Variants in FANCA observed in about 807,000 individuals in gnomAD.
The protein encoded by FANCA is FA complementation group A, also known as Fanconi anemia group A protein.
In FANCA, 236 loss-of-function variants were observed where a neutral mutation model predicts 194.3. That is an observed-to-expected ratio of 1.21 (90% CI 1.09 to 1.35). The LOEUF is 1.35. Among genes scored for constraint, FANCA ranks in the 40% most tolerant of loss-of-function variants. The probability of loss-of-function intolerance (pLI) is 0.00; values close to 1 mark genes in which losing one functional copy is unlikely to be tolerated. For synonymous variants in FANCA, 1,014 were observed against 715.8 expected, an observed-to-expected ratio of 1.42 and a Z score of -6.65; for missense variants, 2,628 against 1,813.9, an observed-to-expected ratio of 1.45 and a Z score of -8.15.
chr16:89,746,466 G>T, intron 35 of FANCA, 118 bp downstream of exon 35: 1 of 817,432 alleles, frequency 1.2e-6, no homozygotes, highest in Non-Finnish European at 2.1e-6. Context: ...GTCTCCTGAT[G>T]CATTTTCCCT....
At chr16:89,757,070 C>G (rs1435981013) in intron 30 of FANCA, among the ~76,000 whole-genome samples, 1 of 152,168 alleles carries the variant, frequency 6.6e-6, no homozygotes, top group African/African-American at 2.4e-5. Flanking sequence ...CCTCTGCCTC[C>G]CCGGCTCATG....
rs2143285635 is a variant in FANCA at position 89,764,677 on chromosome 16, G to C, written c.2778+213C>G. ...TCAAGATTCCAATCAAACCATCTAA[G>C]TGCTGCTGTTCTTGCCTCTGAGGAG... On this transcript the variant is annotated intron_variant, in intron 28 of 42. Transcript: ENST00000389301. The C allele has an allele frequency of 4.6e-6, 3 of 656,608 alleles. No homozygotes were observed. In the East Asian group the frequency reaches 9.0e-5, roughly 20 times the overall value. 40.7% of individuals were successfully genotyped at this position (656,608 alleles called of 1,614,324 possible). A position where few individuals can be genotyped will look rare whatever the true frequency, so the allele number is the denominator to read the frequency against.
intron 11 of FANCA, among the ~76,000 whole-genome samples, chr16:89,794,406 T>C (rs1319713108): frequency 1.3e-5 from 2 of 151,870 alleles, no homozygotes; most frequent in Non-Finnish European, 1.5e-5. Flanking sequence ...AAAAAGTAGC[T>C]GGGCATGGTG....
intron 27 of FANCA, 91 bp from the exon 28 acceptor site, chr16:89,765,157 C>G: frequency 1.4e-6 from 2 of 1,412,372 alleles, no homozygotes; most frequent in South Asian, 1.2e-5. Flanking sequence ...AGACCATCAA[C>G]AGCCCACACA....
chr16:89,815,064 G>C (rs549680530), intron 2 of FANCA, among the ~76,000 whole-genome samples: 2 of 152,166 alleles, frequency 1.3e-5, no homozygotes, highest in South Asian at 4.1e-4. Context: ...TTTTGAGAGG[G>C]AGTCTCACTG....
chr16:89,772,951 C>G (rs1023227684), intron 22 of FANCA, among the ~76,000 whole-genome samples: 4 of 152,128 alleles, frequency 2.6e-5, no homozygotes, highest in African/African-American at 4.8e-5. Flanking sequence ...GATGTGACAT[C>G]GACTCCGGCA....
At position 89,792,009 on chromosome 16, in the gene FANCA, C is replaced by T. The variant is rs1800331; in HGVS notation, c.1143G>A (p.Thr381=). The part of the protein sequence containing the change: ...LVGHLQEVLE[T]QEVHWQRVLS... The stretch of plus-strand genomic sequence containing the variant: ...GCACTCTCTGCCAGTGAACCTCCTG[C>T]GTTTCCAGAACTTCTTGCAAATGGC... The change falls in exon 13 of 43, where the codon ACG becomes ACA. Residue 381 remains threonine, a synonymous_variant. Transcript: ENST00000389301. The T allele has an allele frequency of 6.2e-6, 10 of 1,614,048 alleles. No individual in the cohort carries two copies. Among genetic ancestry groups the T allele is most frequent in the African/African-American group, 5.3e-5 (4 of 74,926 alleles).
At chr16:89,777,602 A>T (rs1402581463) in intron 20 of FANCA, among the ~76,000 whole-genome samples, 2 of 151,876 alleles carry the variant, frequency 1.3e-5, no homozygotes, top group East Asian at 3.9e-4. Flanking sequence ...CTTTGTGTTT[A>T]TCTTCTTACA....
chr16:89,773,817 C>T (rs959815850), intron 21 of FANCA, among the ~76,000 whole-genome samples: 6 of 149,968 alleles, frequency 4.0e-5, no homozygotes, highest in South Asian at 2.1e-4. Flanking sequence ...TCTGTCACCA[C>T]GCTGGAGTGC....
chr16:89,738,538 C>T lies in FANCA; in HGVS notation c.*63G>A. On this transcript the variant is annotated 3_prime_UTR_variant, in exon 43 of 43. Coordinates refer to ENST00000389301, the MANE Select transcript of FANCA (RefSeq NM_000135.4). ...CCACTTTTTAGTGCAACAAGAGCTC[C>T]ATGTTATGCTTGTAATAAATTATTT... The T allele has an allele frequency of 1.9e-6, 3 of 1,609,232 alleles. No homozygotes were observed. The highest frequency in any genetic ancestry group is 4.5e-5 in the East Asian group (2 of 44,866).
intron 30 of FANCA, among the ~76,000 whole-genome samples, chr16:89,756,468 C>T (rs2038770115): frequency 1.3e-5 from 2 of 152,072 alleles, no homozygotes; most frequent in Non-Finnish European, 2.9e-5. Flanking sequence ...ATCTCTACTA[C>T]AACTACAAAA....
At chr16:89,809,916 C>G (rs1236253808) in intron 5 of FANCA, among the ~76,000 whole-genome samples, 3 of 151,776 alleles carry the variant, frequency 2.0e-5, no homozygotes, top group Non-Finnish European at 4.4e-5. Context: ...ATCCCAGCTA[C>G]TAAGGTGGCT....
Position 89,739,277 on chromosome 16 carries a change from G to A in FANCA, c.4023C>T (p.Tyr1341=), listed in dbSNP as rs201740587. 1.2e-6 allele frequency: 2 copies of A among 1,614,178 alleles called. No homozygotes were observed. Among genetic ancestry groups the A allele is most frequent in the Admixed American group, 1.7e-5 (1 of 60,032 alleles). ...CCCTGATGGCCGCGTCTTCATGGAAGTAGGAGAGAAGACTAGAGGTAAAGA... is the reference window on the plus strand; with the variant it reads ...CCCTGATGGCCGCGTCTTCATGGAAATAGGAGAGAAGACTAGAGGTAAAGA... ...LPFAFYSLLS[Y]FHEDAAIREE... The change falls in exon 41 of 43, where the codon TAC becomes TAT. Residue 1341 remains tyrosine (Y), a synonymous_variant. Coordinates refer to ENST00000389301, the MANE Select transcript of FANCA (RefSeq NM_000135.4).
intron 31 of FANCA, among the ~76,000 whole-genome samples, chr16:89,750,492 C>CAAAAAAAA (rs1567604497): frequency 0.06 from 6,274 of 104,224 alleles, 355 homozygotes; most frequent in African/African-American, 0.15. Context: ...CAAAAAAAAA[C>CAAAAAAAA]AAACAAAAAA....
intron 20 of FANCA, chr16:89,778,367 G>C (rs1242646281): frequency 2.7e-6 from 1 of 373,540 alleles, no homozygotes; most frequent in Middle Eastern, 9.1e-4. Flanking sequence ...TCAGGAGGCT[G>C]AGGCAGGACA....
Position 89,758,116 on chromosome 16 carries a change from C to T in FANCA, c.2981+461G>A, listed in dbSNP as rs184184730. 2.9e-3 allele frequency among the ~76,000 whole-genome samples: 448 copies of T among 152,282 alleles called. 3 individuals are homozygous for T. The highest frequency in any genetic ancestry group is 5.4e-3 in the Admixed American group (82 of 15,294). ...AGGTAATCCACCCACCTCAGCCTCC[C>T]GAAGTGCTGGGATTACAGGTGTGAG... On this transcript the variant is annotated intron_variant, in intron 30 of 42. Transcript: ENST00000389301.
intron 28 of FANCA, 69 bp downstream of exon 28, chr16:89,764,821 G>C (rs188040704): frequency 6.4e-7 from 1 of 1,552,900 alleles, no homozygotes. Context: ...TGCTGTTCTT[G>C]CCCGAGGAGC....
At chr16:89,769,708 CA>C (rs2039254666) in intron 26 of FANCA, 128 bp downstream of exon 26, 1 of 1,055,144 alleles carries the variant, frequency 9.5e-7, no homozygotes. Flanking sequence ...GGATATATAC[CA>C]AAATGCTAAA....
At position 89,749,811 on chromosome 16, in the gene FANCA, C is replaced by T. The variant is rs371351450; in HGVS notation, c.3158G>A (p.Arg1053His). The change falls in exon 32 of 43, where the codon CGC (arginine) becomes CAC (histidine). Residue 1053 changes from arginine (R) to histidine (H), a missense_variant. By Grantham distance (29) the Arg-to-His change is conservative. Coordinates refer to ENST00000389301, the MANE Select transcript of FANCA (RefSeq NM_000135.4). The part of the protein sequence containing the change: ...SQEHFLFEIF[R>H]RRLQALTSGW... Reference sequence around the variant, plus strand: ...GCTTGTCAGAGCCTGGAGCCGTCTGCGGAAAATCTCAAAGAGGAAGTGCTC... The same window carrying T: ...GCTTGTCAGAGCCTGGAGCCGTCTGTGGAAAATCTCAAAGAGGAAGTGCTC... 4.3e-6 allele frequency: 7 copies of T among 1,614,170 alleles called. No individual in the cohort carries two copies. The highest frequency in any genetic ancestry group is 1.1e-5 in the South Asian group (1 of 91,086).
Sources: allele counts gnomAD v4.1 joint callset (sites outside exome capture counted in the v4.1 genomes callset), GRCh38; gene constraint gnomAD v4.1.1; transcripts MANE v1.5; gene names NCBI Gene and HGNC (gene_info 2026-07-23, HGNC 2026-07-21).